Variants in ZKSCAN4 observed in about 807,000 individuals in gnomAD.
The protein encoded by ZKSCAN4 is zinc finger protein with KRAB and SCAN domains 4.
A neutral mutation model predicts 30.8 loss-of-function variants in ZKSCAN4; 23 were observed. The observed-to-expected ratio is 0.75, with a 90% CI of 0.54 to 1.06. The LOEUF is 1.06. Ranked by LOEUF, ZKSCAN4 falls within the 50% of genes least tolerant of loss-of-function variation. The pLI, the probability that ZKSCAN4 is intolerant of heterozygous loss-of-function variation, is 0.00. For synonymous variants in ZKSCAN4, 208 were observed against 252.5 expected (o/e 0.82, Z 1.67); for missense variants, 556 against 665.4 (o/e 0.84, Z 1.81).
At chr6:28,253,793 C>T (rs1332428781), upstream of ZKSCAN4, among the ~76,000 whole-genome samples, 1 of 152,176 alleles carries the variant, frequency 6.6e-6, no homozygotes, top group Non-Finnish European at 1.5e-5. This position sits in a 1 kb window ranked among gnomAD's most constrained non-coding sequence, Gnocchi z 4.2. Flanking sequence ...GAAACCTCCA[C>T]TTCCTGGGTT....
At chr6:28,256,842 T>G (rs1383471196), upstream of ZKSCAN4, among the ~76,000 whole-genome samples, 1 of 152,230 alleles carries the variant, frequency 6.6e-6, no homozygotes, top group African/African-American at 2.4e-5. Context: ...TTTAATGGTC[T>G]GAGTGAGGAA....
At position 28,251,248 on chromosome 6, in the gene ZKSCAN4, C is replaced by A. The variant is rs1197622840; in HGVS notation, c.423+310G>T. On this transcript the variant is annotated intron_variant, in intron 1 of 4. Coordinates refer to ENST00000377294, the MANE Select transcript of ZKSCAN4 (RefSeq NM_019110.5). The surrounding 1 kb of genome is among the most constrained non-coding windows in gnomAD (Gnocchi z 4.5). ...CCATTTTGAAATTGCCAATTATAAG[C>A]CCTGTCCCTAGGTCTTATTATTTAG... Among the ~76,000 whole-genome samples the A allele has an allele frequency of 6.6e-6, 1 of 152,132 alleles. No homozygotes were observed. Among genetic ancestry groups the A allele is most frequent in the African/African-American group, 2.4e-5 (1 of 41,426 alleles).
chr6:28,255,025 C>T (rs1761139049), upstream of ZKSCAN4, among the ~76,000 whole-genome samples: 1 of 152,172 alleles, frequency 6.6e-6, no homozygotes, highest in Admixed American at 6.5e-5. Flanking sequence ...GTTGTTACTA[C>T]ATGTGCAGCA....
chr6:28,245,575 T>C lies in ZKSCAN4; in HGVS notation c.1179A>G (p.Lys393=). The change falls in exon 5 of 5, where the codon AAA becomes AAG. Residue 393 remains lysine, a synonymous_variant. Coordinates refer to ENST00000377294, the MANE Select transcript of ZKSCAN4 (RefSeq NM_019110.5). ...TCTCCCCAGTGTGGGTTCTCTGGTGTTTGATAAGGTTTGAGCTGTGACTGA... is the reference window on the plus strand; with the variant it reads ...TCTCCCCAGTGTGGGTTCTCTGGTGCTTGATAAGGTTTGAGCTGTGACTGA... ...KVFSHSSNLI[K]HQRTHTGEKP... 1.9e-6 allele frequency: 3 copies of C among 1,614,210 alleles called. No homozygotes were observed. Among genetic ancestry groups the C allele is most frequent in the Non-Finnish European group, 2.5e-6 (3 of 1,180,040 alleles).
chr6:28,248,056 C>A lies in ZKSCAN4; in HGVS notation c.654+11G>T, dbSNP rs377308360. ...ATGGGGCGCTGGGGAGGGAGAGGAG[C>A]TCCAGCTCACCTGGGACCCTGGAGT... On this transcript the variant is annotated intron_variant, in intron 3 of 4. Coordinates refer to ENST00000377294, the MANE Select transcript of ZKSCAN4 (RefSeq NM_019110.5). The A allele has an allele frequency of 4.0e-5, 64 of 1,606,392 alleles. No individual in the cohort carries two copies. In the African/African-American group the frequency reaches 7.5e-4, roughly 19 times the overall value.
chr6:28,254,735 A>C (rs941186727), upstream of ZKSCAN4, among the ~76,000 whole-genome samples: 2 of 152,222 alleles, frequency 1.3e-5, no homozygotes, highest in African/African-American at 4.8e-5. Context: ...GGGTCAGTAG[A>C]TGGGATGGGT....
chr6:28,252,081 TC>T lies in ZKSCAN4; in HGVS notation c.-102del. 7.5e-7 allele frequency: 1 copy of T among 1,331,676 alleles called. No individual in the cohort carries two copies. The highest frequency in any genetic ancestry group is 1.0e-6 in the Non-Finnish European group (1 of 984,192). The allele number at this position is 1,331,676 out of a possible 1,614,324, so 82.5% of individuals were successfully genotyped here. A position where few individuals can be genotyped will look rare whatever the true frequency, so the allele number is the denominator to read the frequency against. On this transcript the variant is annotated 5_prime_UTR_variant, in exon 1 of 5. The change creates a premature stop within an existing upstream ORF in the 5' untranslated region. Transcript: ENST00000377294. Reference sequence around the variant, plus strand: ...AATTTTCCAGTAGAACTGCAAGTGGTCCCCCTCCTGTCATGCCCAGGGGCCC... The same window carrying T: ...AATTTTCCAGTAGAACTGCAAGTGGTCCCCTCCTGTCATGCCCAGGGGCCC...
At chr6:28,246,549 G>A (rs1413516798) in intron 4 of ZKSCAN4, among the ~76,000 whole-genome samples, 9 of 152,072 alleles carry the variant, frequency 5.9e-5, no homozygotes, top group Admixed American at 2.6e-4. Flanking sequence ...GGTAATCTAC[G>A]CCTCTGCACC....
intron 1 of ZKSCAN4, among the ~76,000 whole-genome samples, chr6:28,250,672 G>A (rs963684299): frequency 1.3e-5 from 2 of 152,222 alleles, no homozygotes; most frequent in Non-Finnish European, 2.9e-5. Context: ...ACATAGTTAT[G>A]TCCTCATTAA....
In ZKSCAN4 at chr6:28,245,901, A is replaced by G. The variant is rs1581579263; in HGVS notation, c.853T>C (p.Cys285Arg). 4 of 1,614,188 alleles carry G rather than the reference A, an allele frequency of 2.5e-6. No homozygotes were observed. The highest frequency in any genetic ancestry group is 1.1e-5 in the South Asian group (1 of 91,088). Residue 285 changes from cysteine (C) to arginine (R), a missense_variant, in exon 5 of 5, where the codon TGC becomes CGC. Physicochemically the swap from Cys to Arg is radical, Grantham distance 180. Around this residue, in one of 3 missense-constraint regions of ZKSCAN4, gnomAD observed 433 missense variants for 511.5 expected, o/e 0.85. Coordinates refer to ENST00000377294, the MANE Select transcript of ZKSCAN4 (RefSeq NM_019110.5). ...KLPEKEHGKI[C>R]HLREDIAQIP... is the part of the protein sequence containing the mutation. ...TGGGCAATGTCTTCCCTCAGGTGGC[A>G]TATCTTCCCATGCTCCTTTTCTGGA... is the stretch of plus-strand genomic sequence containing the variant.
Position 28,251,153 on chromosome 6 carries a change from A to T in ZKSCAN4, c.423+405T>A, listed in dbSNP as rs1760975596. Among the ~76,000 whole-genome samples the T allele has an allele frequency of 6.6e-6, 1 of 152,196 alleles. No individual in the cohort carries two copies. The highest frequency in any genetic ancestry group is 1.5e-5 in the Non-Finnish European group (1 of 68,038). Reference sequence around the variant, plus strand: ...AATCAAGGTAGCATAAGCAGTACCCAGGACTTTGTCACCAACAAAACCTGC... The same window carrying T: ...AATCAAGGTAGCATAAGCAGTACCCTGGACTTTGTCACCAACAAAACCTGC... On this transcript the variant is annotated intron_variant, in intron 1 of 4. Transcript: ENST00000377294. The surrounding 1 kb of genome is among the most constrained non-coding windows in gnomAD (Gnocchi z 4.5).
In ZKSCAN4 at chr6:28,243,054, C is replaced by G. The variant is rs1255493370; in HGVS notation, c.*2062G>C. 6.6e-6 allele frequency among the ~76,000 whole-genome samples: 1 copy of G among 152,064 alleles called. No individual in the cohort carries two copies. Among genetic ancestry groups the G allele is most frequent in the African/African-American group, 2.4e-5 (1 of 41,390 alleles). ...TGTAATGAGTTTGAGTGTGTAAAAT[C>G]AGAGCTATTTAGCAAATATTTAGGA... On this transcript the variant is annotated 3_prime_UTR_variant, in exon 5 of 5. Coordinates refer to ENST00000377294, the MANE Select transcript of ZKSCAN4 (RefSeq NM_019110.5).
intron 1 of ZKSCAN4, among the ~76,000 whole-genome samples, chr6:28,250,546 C>CAAAG (rs71303501): frequency 0.5 from 76,313 of 151,770 alleles, 23,515 homozygotes; most frequent in African/African-American, 0.86. Flanking sequence ...GCTAAATTCT[C>CAAAG]AATACTAATA....
Position 28,249,861 on chromosome 6 carries a change from A to G in ZKSCAN4, c.424-27T>C. 1 of 1,611,422 alleles carries G rather than the reference A, an allele frequency of 6.2e-7. No homozygotes were observed. The highest frequency in any genetic ancestry group is 8.5e-7 in the Non-Finnish European group (1 of 1,179,134). On this transcript the variant is annotated intron_variant, in intron 1 of 4. Coordinates refer to ENST00000377294, the MANE Select transcript of ZKSCAN4 (RefSeq NM_019110.5). The surrounding 1 kb of genome is among the most constrained non-coding windows in gnomAD (Gnocchi z 4.1). ...TAGAAGTCACGATTTTTAGTTATCT[A>G]CCCAACATTTCTATGTTTTCCATGT...
intron 1 of ZKSCAN4, among the ~76,000 whole-genome samples, chr6:28,250,548 A>AAGAC (rs35054533): frequency 1.3e-5 from 2 of 151,696 alleles, no homozygotes; most frequent in African/African-American, 4.9e-5. Flanking sequence ...TAAATTCTCA[A>AAGAC]TACTAATATA....
Position 28,245,495 on chromosome 6 carries a change from AG to A in ZKSCAN4, c.1258del (p.Glu421AsnfsTer28). ...GKTFSQSCSL[L>X]EHHKIHTGEK... ...CCCAGTATGAATTTTGTGATGTTCA[AG>A]GAGGCTGCAGCTCTGGCTGAAGGTC... On this transcript the variant is annotated frameshift_variant, in exon 5 of 5. Coordinates refer to ENST00000377294, the MANE Select transcript of ZKSCAN4 (RefSeq NM_019110.5). LOFTEE classifies it low-confidence loss of function (END_TRUNC). The A allele has an allele frequency of 6.2e-7, 1 of 1,614,222 alleles. No homozygotes were observed. The highest frequency in any genetic ancestry group is 8.5e-7 in the Non-Finnish European group (1 of 1,180,038).
rs747917275 is a variant in ZKSCAN4, at chr6:28,245,797, T to A, written c.957A>T (p.Arg319=). 6.2e-7 allele frequency: 1 copy of A among 1,614,252 alleles called. No individual in the cohort carries two copies. The highest frequency in any genetic ancestry group is 8.5e-7 in the Non-Finnish European group (1 of 1,180,042). The change falls in exon 5 of 5, where the codon CGA becomes CGT. Residue 319 remains arginine (R), a synonymous_variant. Transcript: ENST00000377294. The part of the protein sequence containing the change: ...RKQKNAIGSR[R]HYCHECGKSF... The stretch of plus-strand genomic sequence containing the variant: ...TCTTTCCACATTCATGGCAATAATG[T>A]CGCCTACTCCCTATGGCATTTTTCT...
intron 3 of ZKSCAN4, among the ~76,000 whole-genome samples, chr6:28,247,782 G>A (rs146267640): frequency 5.3e-4 from 81 of 152,324 alleles, no homozygotes; most frequent in African/African-American, 1.8e-3. Context: ...CTTGTTGAAG[G>A]AGAAAAATCA....
the ZKSCAN4 span, among the ~76,000 whole-genome samples, chr6:28,258,410 A>T: frequency 6.6e-6 from 1 of 152,328 alleles, no homozygotes; most frequent in African/African-American, 2.4e-5. Context: ...ATAGAAAGAC[A>T]TCTGTCTACA....
Sources: gnomAD v4.1 joint callset for allele counts (sites outside exome capture counted in the v4.1 genomes callset) on GRCh38, gnomAD v4.1.1 for gene constraint, gnomAD v4.1.1 regional missense constraint, Gnocchi (gnomAD v3.1) non-coding constraint, MANE v1.5 for transcripts, NCBI Gene and HGNC (gene_info 2026-07-23, HGNC 2026-07-21) for gene names.